PTPRT: variants seen among roughly 807,000 people sequenced by gnomAD.
PTPRT encodes the protein protein tyrosine phosphatase receptor type T, also known as receptor-type tyrosine-protein phosphatase T.
A neutral mutation model predicts 176.8 loss-of-function variants in PTPRT; 56 were observed. That is an observed-to-expected ratio of 0.32 (90% CI 0.26 to 0.40). The LOEUF (loss-of-function observed/expected upper bound fraction) is 0.40. Ranked by LOEUF, PTPRT falls within the 10% of genes least tolerant of loss-of-function variation. PTPRT has a pLI of 1.00. For missense variants in PTPRT, 1,540 were observed against 1,908.2 expected (o/e 0.81, Z 3.60); for synonymous variants, 783 against 739.0 (o/e 1.06, Z -0.96).
At chr20:42,253,142 G>A (rs2056576246) in intron 13 of PTPRT, among the ~76,000 whole-genome samples, 1 of 152,198 alleles carries the variant, frequency 6.6e-6, no homozygotes, top group South Asian at 2.1e-4. Flanking sequence ...CAGAGGATGG[G>A]AGGGTCCCGC....
intron 7 of PTPRT, among the ~76,000 whole-genome samples, chr20:42,558,149 C>T (rs2072891979): frequency 1.3e-5 from 2 of 152,264 alleles, no homozygotes; most frequent in South Asian, 2.1e-4. Context: ...CCACCTTCCA[C>T]CCTCTGAAAG....
chr20:42,626,876 C>G (rs535213636), intron 7 of PTPRT, among the ~76,000 whole-genome samples: 1 of 152,306 alleles, frequency 6.6e-6, no homozygotes, highest in South Asian at 2.1e-4. Context: ...GGTTCCTTGG[C>G]CAAAACCTCA....
chr20:42,526,956 CTT>C (rs915511549), intron 7 of PTPRT, among the ~76,000 whole-genome samples: 1,164 of 78,536 alleles, frequency 0.015, 5 homozygotes, highest in African/African-American at 0.047. Flanking sequence ...GTTCTTTTTT[CTT>C]TTTTTTTTTT....
rs114737850 is a variant in PTPRT, at chr20:42,549,487, A to G, written c.1154-76925T>C. Among the ~76,000 whole-genome samples the G allele has an allele frequency of 8.7e-3, 1,318 of 152,272 alleles. 15 individuals are homozygous for G. The highest frequency in any genetic ancestry group is 0.03 in the African/African-American group (1,248 of 41,546). ...AAGAAGGAGATAAGAGGGTTACTCA[A>G]TAAAAGAAACAAGCAGGAGTGCTTT... On this transcript the variant is annotated intron_variant, in intron 7 of 30. Transcript: ENST00000373187.
At chr20:42,627,481 AG>A (rs2145877241) in intron 7 of PTPRT, among the ~76,000 whole-genome samples, 1 of 152,010 alleles carries the variant, frequency 6.6e-6, no homozygotes, top group Non-Finnish European at 1.5e-5. Flanking sequence ...TGTGTTACCT[AG>A]GTTGGTCTTG....
chr20:42,332,356 C>T (rs2057978188), intron 11 of PTPRT, among the ~76,000 whole-genome samples: 1 of 151,990 alleles, frequency 6.6e-6, no homozygotes, highest in Admixed American at 6.6e-5. Flanking sequence ...ACTACAGGTG[C>T]CCACCACCAC....
At chr20:43,087,663 C>T (rs535022142) in intron 1 of PTPRT, among the ~76,000 whole-genome samples, 18 of 152,256 alleles carry the variant, frequency 1.2e-4, no homozygotes, top group African/African-American at 4.3e-4. Flanking sequence ...TGCACCTTGC[C>T]CACATTGTTC....
At chr20:42,616,766 T>G (rs2074088002) in intron 7 of PTPRT, among the ~76,000 whole-genome samples, 1 of 132,514 alleles carries the variant, frequency 7.5e-6, no homozygotes, top group Non-Finnish European at 1.6e-5. Context: ...TAAGAATGCT[T>G]GTGATTTTTG....
intron 12 of PTPRT, among the ~76,000 whole-genome samples, chr20:42,309,158 T>C (rs779445022): frequency 6.6e-6 from 1 of 152,218 alleles, no homozygotes; most frequent in Non-Finnish European, 1.5e-5. Flanking sequence ...AGAACATGCA[T>C]AACAGCATTG....
chr20:42,903,686 G>C (rs892902615), intron 1 of PTPRT, among the ~76,000 whole-genome samples: 26 of 152,292 alleles, frequency 1.7e-4, no homozygotes, highest in African/African-American at 5.8e-4. Context: ...ATTAATTGTA[G>C]GATGGAAGGT....
At chr20:42,529,904 A>G (rs1160995829) in intron 7 of PTPRT, among the ~76,000 whole-genome samples, 3 of 151,892 alleles carry the variant, frequency 2.0e-5, no homozygotes, top group Admixed American at 6.6e-5. Flanking sequence ...TTGGGCATAC[A>G]ACTGCCTTTT....
At chr20:42,996,153 G>A (rs191761133) in intron 1 of PTPRT, among the ~76,000 whole-genome samples, 1 of 152,284 alleles carries the variant, frequency 6.6e-6, no homozygotes, top group Admixed American at 6.5e-5. Flanking sequence ...CCAGCACCAA[G>A]TGTGCTTCCA....
rs1170996008 is a variant in PTPRT, at chr20:42,297,606, T to C, written c.2140-15081A>G. Among the ~76,000 whole-genome samples the C allele has an allele frequency of 3.9e-5, 6 of 152,282 alleles. No individual in the cohort carries two copies. The East Asian group carries it at 9.6e-4, about 24-fold the overall frequency. On this transcript the variant is annotated intron_variant, in intron 12 of 30. Transcript: ENST00000373187. ...AAAAGGAAATCTCGATGGGGAACTT[T>C]CCCTCGCAGACATTAAAGTTTAGAT...
intron 12 of PTPRT, among the ~76,000 whole-genome samples, chr20:42,303,030 T>C (rs1346711812): frequency 5.3e-5 from 8 of 152,216 alleles, no homozygotes; most frequent in Admixed American, 4.6e-4. Context: ...TATCCCCTAA[T>C]TGAGAAGTTG....
At chr20:42,420,016 G>A (rs2059104120) in intron 9 of PTPRT, among the ~76,000 whole-genome samples, 1 of 152,268 alleles carries the variant, frequency 6.6e-6, no homozygotes. Context: ...AACAGCCTTC[G>A]GAGGGGGTGG....
chr20:42,718,001 GACA>G (rs1421149979), intron 6 of PTPRT, among the ~76,000 whole-genome samples: 1 of 152,170 alleles, frequency 6.6e-6, no homozygotes, highest in Non-Finnish European at 1.5e-5. Context: ...TTAAAACACA[GACA>G]ACACCAATAT....
At chr20:42,523,822 C>T (rs1489239814) in intron 7 of PTPRT, among the ~76,000 whole-genome samples, 1 of 151,712 alleles carries the variant, frequency 6.6e-6, no homozygotes, top group East Asian at 1.9e-4. Flanking sequence ...ATATCTGCAT[C>T]TTTTAGTTAA....
rs548332041 is a variant in PTPRT, at chr20:42,893,187, C to T, written c.89-7255G>A. Among the ~76,000 whole-genome samples the T allele has an allele frequency of 2.8e-4, 43 of 152,274 alleles. 2 individuals are homozygous for T. The South Asian group carries it at 8.9e-3, about 32-fold the overall frequency. The stretch of plus-strand genomic sequence containing the variant: ...TTACAAGAAAAAAACAACCCCATCA[C>T]AAAGTGGCCAAAGGATATGAACAGA... On this transcript the variant is annotated intron_variant, in intron 1 of 30. Transcript: ENST00000373187.
At chr20:42,070,561 T>C (rs748154812), downstream of PTPRT, among the ~76,000 whole-genome samples, 3 of 151,986 alleles carry the variant, frequency 2.0e-5, no homozygotes, top group Non-Finnish European at 4.4e-5. Flanking sequence ...AGGGGTACTA[T>C]GGAGGTGTCA....
Sources: allele counts gnomAD v4.1 joint callset (sites outside exome capture counted in the v4.1 genomes callset), GRCh38; gene constraint gnomAD v4.1.1; transcripts MANE v1.5; gene names NCBI Gene and HGNC (gene_info 2026-07-23, HGNC 2026-07-21).